Variants in PTPRD observed in about 807,000 individuals in gnomAD.
The protein encoded by PTPRD is receptor-type tyrosine-protein phosphatase delta.
In PTPRD, 34 loss-of-function variants were observed where a neutral mutation model predicts 214.5. The observed-to-expected ratio is 0.16, with a 90% confidence interval of 0.12 to 0.21. The LOEUF is 0.21. Among genes scored for constraint, PTPRD ranks in the 10% least tolerant of loss-of-function variants. The pLI is 1.00. For missense variants in PTPRD, 2,545 were observed against 2,398.7 expected (o/e 1.06, Z -1.27); for synonymous variants, 1,128 against 845.7 (o/e 1.33, Z -5.79).
At chr9:9,421,200 A>G (rs914993032) in intron 8 of PTPRD, among the ~76,000 whole-genome samples, 3 of 151,998 alleles carry the variant, frequency 2.0e-5, no homozygotes, top group African/African-American at 7.2e-5. Context: ...ATTGCCTTTA[A>G]CAAACACTAA....
At chr9:9,411,251 T>C (rs2184080) in intron 8 of PTPRD, among the ~76,000 whole-genome samples, 10,123 of 118,762 alleles carry the variant, frequency 0.085, 424 homozygotes, top group Middle Eastern at 0.15. Context: ...TGAGGATACA[T>C]AGCATTGTGT....
chr9:9,750,218 G>T (rs560016139), intron 6 of PTPRD, among the ~76,000 whole-genome samples: 39 of 152,030 alleles, frequency 2.6e-4, no homozygotes, highest in Admixed American at 1.1e-3. Flanking sequence ...ATTTATTCTA[G>T]CAATTATATA....
chr9:8,953,161 T>C (rs572394025), intron 11 of PTPRD, among the ~76,000 whole-genome samples: 1 of 152,078 alleles, frequency 6.6e-6, no homozygotes, highest in Admixed American at 6.6e-5. Context: ...ACTAAGCAGT[T>C]TCCTGTGGCA....
intron 8 of PTPRD, among the ~76,000 whole-genome samples, chr9:9,514,298 T>C (rs965562807): frequency 6.6e-6 from 1 of 151,972 alleles, no homozygotes; most frequent in African/African-American, 2.4e-5. Flanking sequence ...ATAATGAGAA[T>C]CATAACTGAG....
intron 5 of PTPRD, among the ~76,000 whole-genome samples, chr9:9,785,017 TG>T (rs2098909983): frequency 6.6e-6 from 1 of 150,928 alleles, no homozygotes; most frequent in Non-Finnish European, 1.5e-5. Context: ...AAACATGTTT[TG>T]GAAAAAAAAA....
intron 3 of PTPRD, among the ~76,000 whole-genome samples, chr9:10,138,407 C>A (rs1291364345): frequency 6.6e-6 from 1 of 151,560 alleles, no homozygotes. Flanking sequence ...ACTCTAGCAA[C>A]AACAAAACAA....
chr9:9,521,330 C>T (rs2096966775), intron 8 of PTPRD, among the ~76,000 whole-genome samples: 1 of 152,092 alleles, frequency 6.6e-6, no homozygotes, highest in South Asian at 2.1e-4. Flanking sequence ...CTTGACATTC[C>T]ACCTCTGCTA....
At chr9:10,291,956 G>A (rs139710835) in intron 3 of PTPRD, among the ~76,000 whole-genome samples, 1 of 152,110 alleles carries the variant, frequency 6.6e-6, no homozygotes, top group East Asian at 1.9e-4. Flanking sequence ...TAAAGATCTG[G>A]TTAATGGGTT....
intron 7 of PTPRD, among the ~76,000 whole-genome samples, chr9:9,705,332 A>G (rs1005300675): frequency 6.6e-6 from 1 of 152,204 alleles, no homozygotes; most frequent in African/African-American, 2.4e-5. Flanking sequence ...TCTTAATTAG[A>G]TGGAGAATTA....
At chr9:10,215,474 C>T (rs2099537010) in intron 3 of PTPRD, among the ~76,000 whole-genome samples, 1 of 152,020 alleles carries the variant, frequency 6.6e-6, no homozygotes, top group African/African-American at 2.4e-5. Flanking sequence ...TAATATGTAT[C>T]AGGCCTACAT....
intron 9 of PTPRD, among the ~76,000 whole-genome samples, chr9:9,219,588 A>T (rs2099954487): frequency 1.3e-5 from 2 of 152,186 alleles, no homozygotes; most frequent in African/African-American, 4.8e-5. Flanking sequence ...ACTATAGAAT[A>T]ACCCTGTTTA....
intron 2 of PTPRD, among the ~76,000 whole-genome samples, chr9:10,398,604 A>G (rs2098216653): frequency 6.6e-6 from 1 of 151,916 alleles, no homozygotes; most frequent in Admixed American, 6.6e-5. Flanking sequence ...AATGAAAAAC[A>G]TTTTCTTCCA....
At position 9,950,722 on chromosome 9, in the gene PTPRD, CAAAAAAAAAAAAAAAAAAAAA is replaced by C. The variant is rs922771507; in HGVS notation, c.-471-12133_-471-12113del. On this transcript the variant is annotated intron_variant, in intron 4 of 45. Transcript: ENST00000381196. The stretch of plus-strand genomic sequence containing the variant: ...CCTGGGCGACAGCGAGACTCCGTCT[CAAAAAAAAAAAAAAAAAAAAA>C]AAAAAAAAAAAAAAAAAGAAGAAAG... Among the ~76,000 whole-genome samples the C allele has an allele frequency of 5.3e-3, 14 of 2,662 alleles. 2 individuals carry two copies. The highest frequency in any genetic ancestry group is 6.4e-3 in the Non-Finnish European group (14 of 2,182). 1.7% of individuals were successfully genotyped at this position (2,662 alleles called of 152,430 possible).
chr9:10,494,649 T>G (rs1276649325), intron 2 of PTPRD, among the ~76,000 whole-genome samples: 1 of 150,756 alleles, frequency 6.6e-6, no homozygotes, highest in African/African-American at 2.4e-5. Flanking sequence ...CTCTAACAAA[T>G]TGTTTTTAAA....
chr9:8,423,560 A>T (rs191279109), intron 35 of PTPRD, among the ~76,000 whole-genome samples: 10 of 152,290 alleles, frequency 6.6e-5, no homozygotes, highest in African/African-American at 2.4e-4. Context: ...AGACTTATAA[A>T]TCATAATTTA....
In PTPRD at chr9:8,331,507, T is replaced by TA. The variant is rs139985243; in HGVS notation, c.5534+74dup. On this transcript the variant is annotated intron_variant, in intron 44 of 45. Transcript: ENST00000381196. ...GAATAAAATTTCAAATAAGCAAACT[T>TA]ACTACAAAAAGTGTATACAGACAAT... is the stretch of plus-strand genomic sequence containing the variant. The TA allele has an allele frequency of 2.7e-3, 4,126 of 1,519,062 alleles. 105 individuals carry two copies. In the African/African-American group the frequency reaches 0.051, roughly 19 times the overall value. 94.1% of individuals were successfully genotyped at this position (1,519,062 alleles called of 1,614,324 possible). A position where few individuals can be genotyped will look rare whatever the true frequency, so the allele number is the denominator to read the frequency against.
intron 39 of PTPRD, among the ~76,000 whole-genome samples, chr9:8,351,762 A>T (rs2133242582): frequency 6.8e-6 from 1 of 147,056 alleles, no homozygotes; most frequent in East Asian, 2.0e-4. Context: ...AAAAAAAAAA[A>T]AAAAAAAAAA....
intron 6 of PTPRD, among the ~76,000 whole-genome samples, chr9:9,755,485 G>A (rs564902596): frequency 6.6e-6 from 1 of 152,092 alleles, no homozygotes; most frequent in African/African-American, 2.4e-5. Context: ...TCTTCCTCAG[G>A]CCTTTGGAGG....
At chr9:10,605,626 G>C (rs544453285) in intron 2 of PTPRD, among the ~76,000 whole-genome samples, 1 of 151,882 alleles carries the variant, frequency 6.6e-6, no homozygotes, top group Admixed American at 6.6e-5. Context: ...CAGCAAAGGA[G>C]AAGGACAATA....
Sources: allele counts gnomAD v4.1 joint callset (sites outside exome capture counted in the v4.1 genomes callset), GRCh38; gene constraint gnomAD v4.1.1; transcripts MANE v1.5; gene names NCBI Gene and HGNC (gene_info 2026-07-23, HGNC 2026-07-21).